The following RELL1 variants were observed in gnomAD, a reference collection of about 807,000 sequenced individuals.
The protein encoded by RELL1 is RELT-like protein 1.
Under a neutral mutation model 23.0 loss-of-function variants are expected in RELL1, and 10 were observed. The ratio of observed to expected loss-of-function variants is 0.43; its 90% CI spans 0.27 to 0.74. RELL1 has a LOEUF of 0.74. Ranked by LOEUF, RELL1 falls within the 30% of genes least tolerant of loss-of-function variation. The pLI, the probability that RELL1 is intolerant of heterozygous loss-of-function variation, is 0.19. For missense variants in RELL1, 315 were observed against 364.4 expected (o/e 0.86, Z 1.10); for synonymous variants, 146 against 146.8 (o/e 0.99, Z 0.04).
intron 1 of RELL1, among the ~76,000 whole-genome samples, chr4:37,668,842 G>A (rs1209782435): frequency 1.5e-4 from 22 of 149,474 alleles, no homozygotes; most frequent in Non-Finnish European, 2.8e-4. Context: ...CATCGTCTGA[G>A]ATGTGGGGAG....
chr4:37,642,836 G>A (rs1720574589), intron 3 of RELL1, among the ~76,000 whole-genome samples: 1 of 152,214 alleles, frequency 6.6e-6, no homozygotes, highest in Non-Finnish European at 1.5e-5. Context: ...AACAACTCTT[G>A]AACAACAAGA....
intron 1 of RELL1, among the ~76,000 whole-genome samples, chr4:37,654,239 A>G (rs1199513398): frequency 6.6e-6 from 1 of 152,248 alleles, no homozygotes; most frequent in Admixed American, 6.5e-5. Flanking sequence ...TTTAAATAAA[A>G]TTAAAAATTC....
At chr4:37,641,197 G>T (rs1295298919) in intron 3 of RELL1, among the ~76,000 whole-genome samples, 1 of 152,004 alleles carries the variant, frequency 6.6e-6, no homozygotes, top group Non-Finnish European at 1.5e-5. Flanking sequence ...GGTTTGCTGA[G>T]TGAGTCTCTA....
chr4:37,638,263 G>C (rs1720402726), intron 4 of RELL1, among the ~76,000 whole-genome samples, 184 bp downstream of exon 4: 1 of 152,134 alleles, frequency 6.6e-6, no homozygotes, highest in East Asian at 1.9e-4. Context: ...TGAAGGCCAG[G>C]GATGCTATCA....
chr4:37,601,853 A>G (rs1432055244), intron 6 of RELL1, among the ~76,000 whole-genome samples: 2 of 152,140 alleles, frequency 1.3e-5, no homozygotes, highest in Non-Finnish European at 2.9e-5. Flanking sequence ...TAACAAAAGA[A>G]TTTCCTTGAA....
chr4:37,592,352 T>TG (rs369293188), intron 6 of RELL1, among the ~76,000 whole-genome samples: 22,101 of 80,170 alleles, frequency 0.28, 2,383 homozygotes, highest in Non-Finnish European at 0.33. Flanking sequence ...CCCATCTCTA[T>TG]GAAAAAAAAA....
At chr4:37,619,225 C>G (rs1034332801) in intron 6 of RELL1, among the ~76,000 whole-genome samples, 1 of 151,018 alleles carries the variant, frequency 6.6e-6, no homozygotes, top group Non-Finnish European at 1.5e-5. Flanking sequence ...CTCTGTCACC[C>G]GGGCTGGAGT....
At chr4:37,592,167 C>A (rs1401633942) in intron 6 of RELL1, among the ~76,000 whole-genome samples, 1 of 148,670 alleles carries the variant, frequency 6.7e-6, no homozygotes, top group Admixed American at 6.7e-5. Flanking sequence ...TGAGATCGTG[C>A]CACTGCACTC....
chr4:37,635,303 T>C (rs1402382951), intron 4 of RELL1, among the ~76,000 whole-genome samples, 180 bp from the exon 5 acceptor site: 1 of 152,060 alleles, frequency 6.6e-6, no homozygotes, highest in Non-Finnish European at 1.5e-5. Context: ...CTCATGACCA[T>C]GCGATGACAG....
At chr4:37,640,013 T>C (rs1246302850) in intron 3 of RELL1, among the ~76,000 whole-genome samples, 1 of 152,244 alleles carries the variant, frequency 6.6e-6, no homozygotes, top group Non-Finnish European at 1.5e-5. Context: ...ACGGCAGATA[T>C]ATTATATACT....
intron 1 of RELL1, among the ~76,000 whole-genome samples, chr4:37,653,503 CCA>C (rs1721023331): frequency 6.6e-6 from 1 of 152,084 alleles, no homozygotes; most frequent in African/African-American, 2.4e-5. Flanking sequence ...ATGGCATGAA[CCA>C]CAGATTGTTC....
chr4:37,615,367 A>G (rs16993712), intron 6 of RELL1, among the ~76,000 whole-genome samples: 2,785 of 152,322 alleles, frequency 0.018, 35 homozygotes, highest in Non-Finnish European at 0.027. Context: ...TCTGGTCTCT[A>G]ATTACAAACA....
At chr4:37,647,274 GTAAGAGAGTCTATA>G (rs1720742400) in intron 3 of RELL1, 80 bp downstream of exon 3, 21 of 810,514 alleles carry the variant, frequency 2.6e-5, no homozygotes, top group Non-Finnish European at 4.2e-5. Context: ...GGTGAAGTCA[GTAAGAGAGTCTATA>G]TAAATCTTGA....
intron 6 of RELL1, among the ~76,000 whole-genome samples, chr4:37,617,228 G>A (rs985162567): frequency 1.3e-5 from 2 of 152,116 alleles, no homozygotes; most frequent in Admixed American, 6.5e-5. Context: ...CAGAGTCTAC[G>A]GGGTTGCAGT....
chr4:37,657,633 T>A (rs984122289), intron 1 of RELL1, among the ~76,000 whole-genome samples: 1 of 152,172 alleles, frequency 6.6e-6, no homozygotes, highest in Non-Finnish European at 1.5e-5. Flanking sequence ...GTGCTTCTGT[T>A]GCCTTTTAAC....
Position 37,604,156 on chromosome 4 carries a change from G to A in RELL1, c.*4-12939C>T, listed in dbSNP as rs75932552. On this transcript the variant is annotated intron_variant, in intron 6 of 6. Coordinates refer to the RELL1 transcript ENST00000314117. ...GGCCAGCGTTGTGAGGCTAGCGTCC[G>A]TCACCATGGGGAACAGAAGGGTCAT... Among the ~76,000 whole-genome samples, 65 of 152,086 alleles carry A rather than the reference G, an allele frequency of 4.3e-4. No individual in the cohort carries two copies. In the East Asian group the frequency reaches 7.2e-3, roughly 17 times the overall value.
rs1553872212 is a variant in RELL1 at position 37,612,322 on chromosome 4, TAAAAA to T, written c.*1019_*1023del. 6.0e-5 allele frequency among the ~76,000 whole-genome samples: 5 copies of T among 83,508 alleles called. No homozygotes were observed. The East Asian group carries it at 2.1e-3, about 35-fold the overall frequency. The allele number at this position is 83,508 out of a possible 152,430, so 54.8% of individuals were successfully genotyped here. On this transcript the variant is annotated 3_prime_UTR_variant, in exon 7 of 7. Transcript: ENST00000454158. ...AACCAAGAATCGCTCAGCTAAAGGT[TAAAAA>T]AAAAAAAAAAACAAAAAAAAACAAA...
intron 6 of RELL1, among the ~76,000 whole-genome samples, chr4:37,596,261 G>A (rs75964547): frequency 0.04 from 6,089 of 152,184 alleles, 136 homozygotes; most frequent in Middle Eastern, 0.058. Context: ...AATTGAAAGC[G>A]CACATTCTCA....
At chr4:37,597,099 G>A (rs13141031) in intron 6 of RELL1, among the ~76,000 whole-genome samples, 1 of 151,906 alleles carries the variant, frequency 6.6e-6, no homozygotes, top group Non-Finnish European at 1.5e-5. Flanking sequence ...TGTGGACCAC[G>A]CACTTATAAT....
Sources: gnomAD v4.1 joint callset for allele counts (sites outside exome capture counted in the v4.1 genomes callset) on GRCh38, gnomAD v4.1.1 for gene constraint, MANE v1.5 for transcripts, NCBI Gene and HGNC (gene_info 2026-07-23, HGNC 2026-07-21) for gene names.